ADAM20: variants seen among roughly 807,000 people sequenced by gnomAD.
ADAM20 encodes disintegrin and metalloproteinase domain-containing protein 20.
For missense variants in ADAM20, 871 were observed against 883.2 expected (o/e 0.99, Z 0.18); for synonymous variants, 305 against 310.2 (o/e 0.98, Z 0.18).
the ADAM20 span, among the ~76,000 whole-genome samples, chr14:70,570,921 G>A: frequency 6.7e-6 from 1 of 149,650 alleles, no homozygotes; most frequent in Non-Finnish European, 1.5e-5. Context: ...ATGATCAAGT[G>A]GGCTTTATTT....
chr14:70,563,111 G>A, the ADAM20 span, among the ~76,000 whole-genome samples: 1 of 152,098 alleles, frequency 6.6e-6, no homozygotes, highest in African/African-American at 2.4e-5. Flanking sequence ...ATCCAGAAAT[G>A]AACACATTGT....
chr14:70,571,993 CGG>C, the ADAM20 span, among the ~76,000 whole-genome samples: 2 of 152,052 alleles, frequency 1.3e-5, no homozygotes, highest in South Asian at 4.1e-4. Context: ...TACAAACAAA[CGG>C]AAAAACATTC....
At chr14:70,573,952 GA>G in the ADAM20 span, among the ~76,000 whole-genome samples, 2 of 152,172 alleles carry the variant, frequency 1.3e-5, no homozygotes, top group African/African-American at 2.4e-5. Flanking sequence ...CTCAACAGTG[GA>G]AAGGTCATCC....
chr14:70,568,394 A>AGGG, the ADAM20 span, among the ~76,000 whole-genome samples: 10 of 152,334 alleles, frequency 6.6e-5, no homozygotes, highest in African/African-American at 2.4e-4. Context: ...ATCCCATGCA[A>AGGG]ATGATAGCAA....
chr14:70,522,910 T>G lies in ADAM20; in HGVS notation c.1848A>C (p.Pro616=). 6.2e-7 allele frequency: 1 copy of G among 1,614,134 alleles called. No homozygotes were observed. Among genetic ancestry groups the G allele is most frequent in the Non-Finnish European group, 8.5e-7 (1 of 1,179,980 alleles). The change falls in exon 2 of 2, where the codon CCA becomes CCC. Residue 616 remains proline, a synonymous_variant. Transcript: ENST00000256389. The stretch of plus-strand genomic sequence containing the variant: ...ACTTCTTACGGATGCAGATCTTTTC[T>G]GGACCACATACTGTGCCATCTTTCA... ...GEVKDGTVCG[P]EKICIRKKCA...
chr14:70,529,146 T>C (rs1447147520), intron 1 of ADAM20, among the ~76,000 whole-genome samples: 4 of 152,076 alleles, frequency 2.6e-5, no homozygotes, highest in Admixed American at 2.6e-4. Context: ...GAAAATCAAT[T>C]TAAGAAACTG....
intron 1 of ADAM20, among the ~76,000 whole-genome samples, chr14:70,532,370 T>C (rs1242271129): frequency 6.6e-6 from 1 of 151,946 alleles, no homozygotes; most frequent in Admixed American, 6.6e-5. Context: ...TATAAAACTT[T>C]AAAAAAACAC....
chr14:70,556,444 G>C, the ADAM20 span: 4 of 152,468 alleles, frequency 2.6e-5, no homozygotes, highest in Non-Finnish European at 5.9e-5. Context: ...CCCCAGCCCC[G>C]AGTCTCTGGG....
Position 70,523,859 on chromosome 14 carries a change from A to G in ADAM20, c.899T>C (p.Ile300Thr), listed in dbSNP as rs1883516303. Residue 300 changes from isoleucine to threonine, a missense_variant, in exon 2 of 2, where the codon ATA (isoleucine) becomes ACA (threonine). By Grantham distance (89) the Ile-to-Thr change is moderately conservative (BLOSUM62 -1). Transcript: ENST00000256389. Reference protein sequence around the residue: ...RLQHDVAHLFIKDTQGMKLGV... With the variant: ...RLQHDVAHLFTKDTQGMKLGV... Reference sequence around the variant, plus strand: ...AAGCTTCATGCCTTGTGTGTCTTTTATGAAAAGATGTGCAACATCATGTTG... The same window carrying G: ...AAGCTTCATGCCTTGTGTGTCTTTTGTGAAAAGATGTGCAACATCATGTTG... 1 of 1,613,852 alleles carries G rather than the reference A, an allele frequency of 6.2e-7. No homozygotes were observed. Among genetic ancestry groups the G allele is most frequent in the Non-Finnish European group, 8.5e-7 (1 of 1,179,936 alleles).
At chr14:70,577,632 T>A in the ADAM20 span, among the ~76,000 whole-genome samples, 1 of 152,266 alleles carries the variant, frequency 6.6e-6, no homozygotes, top group East Asian at 1.9e-4. Context: ...TTCTCACACA[T>A]CCTGATTTCA....
chr14:70,555,264 G>A, the ADAM20 span, among the ~76,000 whole-genome samples: 1 of 151,808 alleles, frequency 6.6e-6, no homozygotes, highest in Non-Finnish European at 1.5e-5. Flanking sequence ...TGATGTGTTC[G>A]CACCACAAAA....
At chr14:70,569,924 C>G in the ADAM20 span, among the ~76,000 whole-genome samples, 1,256 of 135,138 alleles carry the variant, frequency 9.3e-3, 22 homozygotes, top group African/African-American at 0.032. Flanking sequence ...ACACTCTGGA[C>G]TTAAACTGGA....
chr14:70,539,626 C>T (rs1883905023), upstream of ADAM20, among the ~76,000 whole-genome samples: 1 of 152,176 alleles, frequency 6.6e-6, no homozygotes, highest in Admixed American at 6.5e-5. Flanking sequence ...ACTGTTACTG[C>T]TGATTAATAT....
At chr14:70,556,330 C>G in the ADAM20 span, 1 of 152,430 alleles carries the variant, frequency 6.6e-6, no homozygotes, top group East Asian at 1.9e-4. Flanking sequence ...AAAGGCTCTT[C>G]CTTTCCAGGC....
At chr14:70,564,754 T>C in the ADAM20 span, among the ~76,000 whole-genome samples, 1 of 147,638 alleles carries the variant, frequency 6.8e-6, no homozygotes, top group Non-Finnish European at 1.5e-5. Context: ...TTTTTTTTTT[T>C]TTTTTTTTTT....
At chr14:70,543,786 C>A in the ADAM20 span, among the ~76,000 whole-genome samples, 1 of 152,184 alleles carries the variant, frequency 6.6e-6, no homozygotes. Flanking sequence ...AACTCTCCAA[C>A]CCCTTGTCCA....
At chr14:70,567,013 C>T in the ADAM20 span, among the ~76,000 whole-genome samples, 2 of 152,034 alleles carry the variant, frequency 1.3e-5, no homozygotes, top group Admixed American at 6.6e-5. Context: ...TGCTCTGCTC[C>T]CTTCACCCCT....
chr14:70,524,985 G>C, intron 1 of ADAM20, 52 bp from the exon 2 acceptor site: 51 of 1,404,028 alleles, frequency 3.6e-5, no homozygotes, highest in Non-Finnish European at 4.5e-5. Context: ...AAGAGAGAGA[G>C]AAAAAAGGCA....
chr14:70,554,905 T>C, the ADAM20 span, among the ~76,000 whole-genome samples: 1 of 152,044 alleles, frequency 6.6e-6, no homozygotes, highest in African/African-American at 2.4e-5. Flanking sequence ...CACTTCACAG[T>C]GTGGGAGAGG....
Sources: allele counts gnomAD v4.1 joint callset (sites outside exome capture counted in the v4.1 genomes callset), GRCh38; gene constraint gnomAD v4.1.1; transcripts MANE v1.5; gene names NCBI Gene and HGNC (gene_info 2026-07-23, HGNC 2026-07-21).